JADE2: variants seen among roughly 807,000 people sequenced by gnomAD.
The protein encoded by JADE2 is E3 ubiquitin-protein ligase Jade-2.
Under a neutral mutation model 85.7 loss-of-function variants are expected in JADE2, and 13 were observed. The observed-to-expected ratio is 0.15, with a 90% CI of 0.10 to 0.24. The LOEUF is 0.24. Among genes scored for constraint, JADE2 ranks in the 10% least tolerant of loss-of-function variants. The pLI is 1.00. For missense variants in JADE2, 846 were observed against 1,115.9 expected, an observed-to-expected ratio of 0.76 and a Z score of 3.45; for synonymous variants, 440 against 456.1, an observed-to-expected ratio of 0.96 and a Z score of 0.45.
chr5:134,557,280 ATTT>A (rs60115543), intron 4 of JADE2, among the ~76,000 whole-genome samples: 5 of 130,704 alleles, frequency 3.8e-5, no homozygotes, highest in African/African-American at 1.5e-4. Context: ...TTTTTTTTTT[ATTT>A]TTTTTTTTTT....
intron 4 of JADE2, among the ~76,000 whole-genome samples, chr5:134,556,756 ATGCACACGCACG>A (rs1762958310): frequency 8.5e-6 from 1 of 117,556 alleles, no homozygotes; most frequent in African/African-American, 3.4e-5. Flanking sequence ...CACATACCAC[ATGCACACGCACG>A]CACACCACAC....
chr5:134,567,531 C>A (rs1034016030), intron 9 of JADE2, among the ~76,000 whole-genome samples: 2 of 152,162 alleles, frequency 1.3e-5, no homozygotes, highest in African/African-American at 4.8e-5. Context: ...CACAGTGTCT[C>A]CCCTGGGTTC....
Position 134,562,415 on chromosome 5 carries a change from A to T in JADE2, c.852+48A>T. The T allele has an allele frequency of 6.4e-7, 1 of 1,551,594 alleles. No homozygotes were observed. The highest frequency in any genetic ancestry group is 2.3e-5 in the East Asian group (1 of 44,216). ...CAGCCCAAGGAATAGCCCGTGGGGA[A>T]GTGGGTCTGCATGGGACTCAGGTAG... On this transcript the variant is annotated intron_variant, in intron 7 of 11. Coordinates refer to ENST00000681547, the MANE Select transcript of JADE2 (RefSeq NM_001388185.1). This position sits in a 1 kb window ranked among gnomAD's most constrained non-coding sequence, Gnocchi z 4.6.
At chr5:134,563,502 A>G (rs1384616175) in intron 7 of JADE2, among the ~76,000 whole-genome samples, 2 of 152,166 alleles carry the variant, frequency 1.3e-5, no homozygotes, top group Non-Finnish European at 2.9e-5. Flanking sequence ...CAGGCCAGCC[A>G]TTTTATTTGA....
chr5:134,574,743 C>T (rs1764256647), intron 10 of JADE2: 1 of 152,238 alleles, frequency 6.6e-6, no homozygotes. Context: ...GTGGCAGCTT[C>T]CTGGCTGCTG....
intron 9 of JADE2, among the ~76,000 whole-genome samples, chr5:134,572,524 C>T (rs532964883): frequency 6.6e-6 from 1 of 152,330 alleles, no homozygotes; most frequent in East Asian, 1.9e-4. Flanking sequence ...GACATGAAGG[C>T]TGAACTCAGC....
chr5:134,573,828 G>A, intron 10 of JADE2, 66 bp downstream of exon 10: 2 of 1,010,756 alleles, frequency 2.0e-6, no homozygotes, highest in South Asian at 1.3e-5. Context: ...TGGGTCCCAA[G>A]GAGGGTGTGT....
intron 4 of JADE2, 54 bp downstream of exon 4, chr5:134,552,263 G>A (rs1281392385): frequency 3.9e-5 from 60 of 1,547,832 alleles, no homozygotes; most frequent in Non-Finnish European, 4.9e-5. Context: ...GGAAGGGGAG[G>A]CTGCTTTCCA....
chr5:134,566,134 G>A lies in JADE2; in HGVS notation c.988G>A (p.Val330Ile), dbSNP rs368664750. 1.9e-5 allele frequency: 31 copies of A among 1,613,112 alleles called. No homozygotes were observed. The highest frequency in any genetic ancestry group is 1.5e-4 in the African/African-American group (11 of 74,748). The stretch of plus-strand genomic sequence containing the variant: ...CCCTCAGTGTTCCATGCCTTCCTGC[G>A]TCACAGCGTTCCATGTCACATGCGC... ...TCIQCSMPSCVTAFHVTCAFD... is the reference protein window; with the variant it reads ...TCIQCSMPSCITAFHVTCAFD... The change falls in exon 9 of 12, where the codon GTC becomes ATC. Residue 330 changes from valine to isoleucine, a missense_variant. Val to Ile is a conservative substitution (Grantham distance 29, BLOSUM62 3). Around this residue, in one of 9 missense-constraint regions of JADE2, gnomAD observed 129 missense variants for 255.4 expected, o/e 0.51. Coordinates refer to ENST00000681547, the MANE Select transcript of JADE2 (RefSeq NM_001388185.1). The surrounding 1 kb of genome is among the most constrained non-coding windows in gnomAD (Gnocchi z 6.7).
At chr5:134,571,223 G>A (rs1763985514) in intron 9 of JADE2, among the ~76,000 whole-genome samples, 1 of 152,150 alleles carries the variant, frequency 6.6e-6, no homozygotes. Context: ...GTAGATCAAG[G>A]GCCCACCCTA....
intron 1 of JADE2, among the ~76,000 whole-genome samples, chr5:134,535,216 G>A (rs1345207518): frequency 6.6e-6 from 1 of 152,148 alleles, no homozygotes. Flanking sequence ...TTATTTGTAC[G>A]TTTATCTGGG....
chr5:134,561,092 C>T (rs1209691822), intron 6 of JADE2, 135 bp downstream of exon 6: 14 of 739,482 alleles, frequency 1.9e-5, no homozygotes, highest in Middle Eastern at 3.7e-4. Context: ...GGTGAGGATG[C>T]TTCATGGTAC....
intron 1 of JADE2, among the ~76,000 whole-genome samples, chr5:134,534,407 C>T (rs779776979): frequency 1.1e-4 from 16 of 152,058 alleles, no homozygotes; most frequent in African/African-American, 3.1e-4. Flanking sequence ...GGCACTTTAC[C>T]GGCATCTTTG....
intron 4 of JADE2, among the ~76,000 whole-genome samples, chr5:134,553,941 C>G (rs935652837): frequency 1.3e-5 from 2 of 152,204 alleles, no homozygotes; most frequent in Admixed American, 6.5e-5. Context: ...GGGAAACCCT[C>G]CAAGTCATGT....
chr5:134,555,705 A>G (rs922719532), intron 4 of JADE2, among the ~76,000 whole-genome samples: 1 of 152,252 alleles, frequency 6.6e-6, no homozygotes, highest in Admixed American at 6.5e-5. Flanking sequence ...GGCACAATCA[A>G]AGCTGGTTCA....
intron 4 of JADE2, among the ~76,000 whole-genome samples, chr5:134,553,574 G>A (rs972438223): frequency 5.3e-5 from 8 of 151,964 alleles, no homozygotes; most frequent in African/African-American, 1.7e-4. Flanking sequence ...GGCTGGTCTC[G>A]AGCTCCTGAC....
At chr5:134,547,878 C>G (rs1173874535) in intron 3 of JADE2, among the ~76,000 whole-genome samples, 1 of 152,198 alleles carries the variant, frequency 6.6e-6, no homozygotes. Context: ...GTGGGGAAGA[C>G]ATGGCAAAAA....
Position 134,576,891 on chromosome 5 carries a change from A to AGCTGGGTGAGTGAGGGCCAT in JADE2, c.1681+1_1681+20dup. The AGCTGGGTGAGTGAGGGCCAT allele has an allele frequency of 1.9e-6, 3 of 1,539,374 alleles. No homozygotes were observed. The highest frequency in any genetic ancestry group is 2.6e-6 in the Non-Finnish European group (3 of 1,141,528). ...GCGGGGCCTGACTCAGTCCTGGGGCAGCTGGGTGAGTGAGGGCCATGCTGG... is the reference window on the plus strand; with the variant it reads ...GCGGGGCCTGACTCAGTCCTGGGGCAGCTGGGTGAGTGAGGGCCATGCTGGGTGAGTGAGGGCCATGCTGG... On this transcript the variant is annotated stop_gained and frameshift_variant, in exon 11 of 12. Transcript: ENST00000681547. LOFTEE classifies it high-confidence loss of function.
chr5:134,571,071 G>A (rs1355248153), intron 9 of JADE2, among the ~76,000 whole-genome samples: 2 of 152,236 alleles, frequency 1.3e-5, no homozygotes, highest in Admixed American at 1.3e-4. Context: ...CTCTGCGGGG[G>A]AGTCTCTCCG....
Sources: allele counts gnomAD v4.1 joint callset (sites outside exome capture counted in the v4.1 genomes callset), GRCh38; gene constraint gnomAD v4.1.1; regional missense constraint gnomAD v4.1.1; non-coding constraint Gnocchi (gnomAD v3.1); transcripts MANE v1.5; gene names NCBI Gene and HGNC (gene_info 2026-07-23, HGNC 2026-07-21).